Variants in ARHGAP28 observed in about 807,000 individuals in gnomAD.
ARHGAP28 encodes rho GTPase-activating protein 28.
In ARHGAP28, 56 loss-of-function variants were observed where a neutral mutation model predicts 90.7. That is an observed-to-expected ratio of 0.62 (90% CI 0.50 to 0.77). ARHGAP28 has a LOEUF of 0.77. Ranked by LOEUF, ARHGAP28 falls within the 30% of genes least tolerant of loss-of-function variation. The pLI is 0.00. For missense variants in ARHGAP28, 869 were observed against 900.9 expected, an observed-to-expected ratio of 0.96 and a Z score of 0.45; for synonymous variants, 308 against 323.3, an observed-to-expected ratio of 0.95 and a Z score of 0.51.
chr18:6,880,784 C>T (rs577745242), intron 10 of ARHGAP28, among the ~76,000 whole-genome samples: 1 of 152,300 alleles, frequency 6.6e-6, no homozygotes, highest in Admixed American at 6.5e-5. Flanking sequence ...CAATACATGA[C>T]TTTTCTTATA....
intron 17 of ARHGAP28, among the ~76,000 whole-genome samples, chr18:6,909,264 TCTTTTCTTTG>T (rs1380709044): frequency 1.3e-3 from 102 of 78,154 alleles, no homozygotes; most frequent in African/African-American, 3.1e-3. Context: ...TCTTTTCTTT[TCTTTTCTTTG>T]CTTTTCTTTT....
At chr18:6,827,792 C>G (rs907063145) in intron 2 of ARHGAP28, among the ~76,000 whole-genome samples, 19 of 150,650 alleles carry the variant, frequency 1.3e-4, no homozygotes, top group African/African-American at 4.6e-4. Context: ...TCAGACGGGG[C>G]GGCCGGGCAG....
chr18:6,865,388 T>C (rs7227706), intron 5 of ARHGAP28, among the ~76,000 whole-genome samples: 6,428 of 152,304 alleles, frequency 0.042, 415 homozygotes, highest in African/African-American at 0.15. Flanking sequence ...TATTTGTCAG[T>C]GAATGTGGCT....
At chr18:6,808,668 A>T (rs1316511874) in intron 1 of ARHGAP28, among the ~76,000 whole-genome samples, 1 of 152,178 alleles carries the variant, frequency 6.6e-6, no homozygotes, top group Non-Finnish European at 1.5e-5. Context: ...TAAGGTTTCC[A>T]TTGTATATCT....
chr18:6,798,696 T>C (rs962266841), intron 1 of ARHGAP28, among the ~76,000 whole-genome samples: 6 of 151,458 alleles, frequency 4.0e-5, no homozygotes, highest in African/African-American at 1.5e-4. Flanking sequence ...AGAGGGAGGG[T>C]GAGGAATAAA....
At position 6,870,744 on chromosome 18, in the gene ARHGAP28, CT is replaced by C; in HGVS notation, c.954+15del. The stretch of plus-strand genomic sequence containing the variant: ...ACTATGTTTTAACTGTAAGCAAAAC[CT>C]TTCATGATTATTCCAGGAACTTCCT... On this transcript the variant is annotated intron_variant, in intron 7 of 17. Coordinates refer to ENST00000383472, the MANE Select transcript of ARHGAP28 (RefSeq NM_001366230.1). The C allele has an allele frequency of 6.3e-7, 1 of 1,583,970 alleles. No homozygotes were observed. Among genetic ancestry groups the C allele is most frequent in the Non-Finnish European group, 8.5e-7 (1 of 1,171,108 alleles).
chr18:6,870,605 A>C lies in ARHGAP28; in HGVS notation c.827A>C (p.Glu276Ala), dbSNP rs1180302438. Residue 276 changes from glutamate to alanine, a missense_variant, in exon 7 of 18, where the codon GAA becomes GCA. Physicochemically the swap from Glu to Ala is moderately radical, Grantham distance 107. Coordinates refer to ENST00000383472, the MANE Select transcript of ARHGAP28 (RefSeq NM_001366230.1). ...TTGTCTTTAGATGATGATTTTCTGG[A>C]AAAGAACATTCCACCAGAGGCTGAA... The part of the protein sequence containing the change: ...QNAISDDDFL[E>A]KNIPPEAEEL... The C allele has an allele frequency of 6.2e-7, 1 of 1,611,594 alleles. No individual in the cohort carries two copies. The highest frequency in any genetic ancestry group is 8.5e-7 in the Non-Finnish European group (1 of 1,178,656).
Position 6,732,704 on chromosome 18 carries a change from G to A in ARHGAP28, c.122+2761G>A, listed in dbSNP as rs557648499. 6.6e-5 allele frequency among the ~76,000 whole-genome samples: 10 copies of A among 152,242 alleles called. No homozygotes were observed. The South Asian group carries it at 2.1e-3, about 32-fold the overall frequency. On this transcript the variant is annotated intron_variant, in intron 1 of 17. Coordinates refer to ENST00000383472, the MANE Select transcript of ARHGAP28 (RefSeq NM_001366230.1). The stretch of plus-strand genomic sequence containing the variant: ...TTATTTTGTTTTCGTAAAGTGAGTA[G>A]CCAGTGAAATGTACTTGTCAGTTCC...
intron 17 of ARHGAP28, among the ~76,000 whole-genome samples, chr18:6,910,884 G>T (rs187391002): frequency 7.4e-6 from 1 of 134,754 alleles, no homozygotes; most frequent in Non-Finnish European, 1.6e-5. Flanking sequence ...TCGCTCTGTC[G>T]CCCAGGCTGG....
At chr18:6,877,949 C>T (rs1381173788) in intron 10 of ARHGAP28, among the ~76,000 whole-genome samples, 1 of 151,876 alleles carries the variant, frequency 6.6e-6, no homozygotes. Flanking sequence ...CTTACTGGTT[C>T]CTCTGTGTGT....
At position 6,907,883 on chromosome 18, in the gene ARHGAP28, G is replaced by C. The variant is rs147347107; in HGVS notation, c.2031-1077G>C. 5.5e-4 allele frequency among the ~76,000 whole-genome samples: 83 copies of C among 152,226 alleles called. 4 individuals carry two copies. In the East Asian group the frequency reaches 0.014, roughly 26 times the overall value. On this transcript the variant is annotated intron_variant, in intron 16 of 17. Coordinates refer to ENST00000383472, the MANE Select transcript of ARHGAP28 (RefSeq NM_001366230.1). ...TGAATCTACAGCACCTCAAATGAAA[G>C]TTCAATTAAACAAAAAACAACAACA...
At chr18:6,758,449 G>A (rs148404613) in intron 1 of ARHGAP28, among the ~76,000 whole-genome samples, 20 of 152,104 alleles carry the variant, frequency 1.3e-4, no homozygotes, top group Middle Eastern at 3.4e-3. Context: ...GCAGCCTCCC[G>A]AGTAGCTGGG....
intron 4 of ARHGAP28, among the ~76,000 whole-genome samples, chr18:6,855,384 A>G (rs1007667769): frequency 1.3e-5 from 2 of 152,146 alleles, no homozygotes; most frequent in Admixed American, 6.5e-5. Context: ...CCAGTCACAC[A>G]GACATCAGGG....
intron 17 of ARHGAP28, among the ~76,000 whole-genome samples, chr18:6,909,782 C>T (rs932255107): frequency 2.6e-5 from 4 of 152,072 alleles, no homozygotes; most frequent in South Asian, 2.1e-4. Context: ...AAAACTTCCC[C>T]GCTTGGTCTG....
At position 6,868,161 on chromosome 18, in the gene ARHGAP28, GACCATT is replaced by G; in HGVS notation, c.739_744del (p.Thr247_Ile248del). 2 of 1,614,002 alleles carry G rather than the reference GACCATT, an allele frequency of 1.2e-6. No homozygotes were observed. Among genetic ancestry groups the G allele is most frequent in the Non-Finnish European group, 1.7e-6 (2 of 1,179,906 alleles). ...CCTTTGCTTGGCAGGCTATACTTGAGACCATTCCAGTTCTACCAGTTCATTCCAATG... is the reference window on the plus strand; with the variant it reads ...CCTTTGCTTGGCAGGCTATACTTGAGCCAGTTCTACCAGTTCATTCCAATG... On this transcript the variant is annotated inframe_deletion, in exon 6 of 18. Coordinates refer to ENST00000383472, the MANE Select transcript of ARHGAP28 (RefSeq NM_001366230.1).
At chr18:6,789,892 A>T (rs1276161614) in intron 1 of ARHGAP28, 1 of 151,604 alleles carries the variant, frequency 6.6e-6, no homozygotes, top group African/African-American at 2.4e-5. Flanking sequence ...CAGTGGCATG[A>T]TCTCGGCTCA....
chr18:6,815,161 A>G (rs1386242398), intron 1 of ARHGAP28, among the ~76,000 whole-genome samples: 1 of 152,240 alleles, frequency 6.6e-6, no homozygotes, highest in African/African-American at 2.4e-5. Flanking sequence ...GTTTTAACAC[A>G]GACATAACAT....
intron 17 of ARHGAP28, 133 bp from the exon 18 acceptor site, chr18:6,911,927 A>ATGTCTAC (rs1403760953): frequency 1.6e-5 from 7 of 448,282 alleles, no homozygotes; most frequent in Non-Finnish European, 2.7e-5. Flanking sequence ...ACCTTAACAT[A>ATGTCTAC]TGTCTACTTA....
chr18:6,912,186 A>G lies in ARHGAP28; in HGVS notation c.*32A>G. The G allele has an allele frequency of 7.7e-7, 1 of 1,304,314 alleles. No individual in the cohort carries two copies. The highest frequency in any genetic ancestry group is 1.1e-6 in the Non-Finnish European group (1 of 921,980). The allele number at this position is 1,304,314 out of a possible 1,614,324, so 80.8% of individuals were successfully genotyped here. Reference sequence around the variant, plus strand: ...CTCGAGAGAGCTGCTATCATGTATTATATGCCAAAAAGATCCTACATTTTG... The same window carrying G: ...CTCGAGAGAGCTGCTATCATGTATTGTATGCCAAAAAGATCCTACATTTTG... On this transcript the variant is annotated 3_prime_UTR_variant, in exon 18 of 18. Coordinates refer to ENST00000383472, the MANE Select transcript of ARHGAP28 (RefSeq NM_001366230.1).
Sources: gnomAD v4.1 joint callset for allele counts (sites outside exome capture counted in the v4.1 genomes callset) on GRCh38, gnomAD v4.1.1 for gene constraint, MANE v1.5 for transcripts, NCBI Gene and HGNC (gene_info 2026-07-23, HGNC 2026-07-21) for gene names.